The following SLC16A10 variants were observed in gnomAD, a reference collection of about 807,000 sequenced individuals.
The protein encoded by SLC16A10 is solute carrier family 16 member 10.
Under a neutral mutation model 40.0 loss-of-function variants are expected in SLC16A10, and 27 were observed. That is an observed-to-expected ratio of 0.67 (90% confidence interval 0.50 to 0.93). SLC16A10 has a LOEUF of 0.93. Among genes scored for constraint, SLC16A10 ranks in the 40% least tolerant of loss-of-function variants. The pLI, the probability that SLC16A10 is intolerant of heterozygous loss-of-function variation, is 0.00. For synonymous variants in SLC16A10, 213 were observed against 249.8 expected (o/e 0.85, Z 1.39); for missense variants, 529 against 658.2 (o/e 0.80, Z 2.15).
Position 111,222,449 on chromosome 6 carries a change from A to G in SLC16A10, c.*214A>G, listed in dbSNP as rs2114597837. On this transcript the variant is annotated 3_prime_UTR_variant, in exon 6 of 6. Transcript: ENST00000368851. Reference sequence around the variant, plus strand: ...AGTCTGAGGGCAGAGACTCTGGTATATGAAAACGTCTGAAAGTCACATATT... The same window carrying G: ...AGTCTGAGGGCAGAGACTCTGGTATGTGAAAACGTCTGAAAGTCACATATT... 2.4e-6 allele frequency: 1 copy of G among 418,218 alleles called. No homozygotes were observed. Among genetic ancestry groups the G allele is most frequent in the Non-Finnish European group, 3.6e-6 (1 of 274,466 alleles). The allele number at this position is 418,218 out of a possible 1,614,324, so 25.9% of individuals were successfully genotyped here. A position where few individuals can be genotyped will look rare whatever the true frequency, so the allele number is the denominator to read the frequency against.
chr6:111,111,989 T>C (rs1335921124), intron 1 of SLC16A10, among the ~76,000 whole-genome samples: 1 of 152,126 alleles, frequency 6.6e-6, no homozygotes, highest in African/African-American at 2.4e-5. Flanking sequence ...TATAGATGTG[T>C]GTGTGTGTAT....
chr6:111,171,743 G>A (rs937261965), intron 1 of SLC16A10, among the ~76,000 whole-genome samples: 1 of 150,122 alleles, frequency 6.7e-6, no homozygotes, highest in Non-Finnish European at 1.5e-5. Flanking sequence ...TTGAGCCTGG[G>A]CTGTCGAGAT....
chr6:111,187,664 A>G (rs1476950523), intron 3 of SLC16A10, among the ~76,000 whole-genome samples: 1 of 152,198 alleles, frequency 6.6e-6, no homozygotes, highest in African/African-American at 2.4e-5. Context: ...GTGTATGTAG[A>G]AACAAAATTA....
chr6:111,226,476 A>G lies in SLC16A10; in HGVS notation c.*4241A>G, dbSNP rs900990928. ...ATTTTATAATATGTAAACAATTTAA[A>G]CAAGTATTTAAAACTTTTTAGGAAG... is the stretch of plus-strand genomic sequence containing the variant. On this transcript the variant is annotated 3_prime_UTR_variant, in exon 6 of 6. Coordinates refer to ENST00000368851, the MANE Select transcript of SLC16A10 (RefSeq NM_018593.5). The G allele has an allele frequency of 4.1e-4, 62 of 152,326 alleles. No individual in the cohort carries two copies. The highest frequency in any genetic ancestry group is 1.4e-3 in the African/African-American group (59 of 41,580). 9.4% of individuals were successfully genotyped at this position (152,326 alleles called of 1,614,324 possible).
At chr6:111,170,519 G>A (rs1027953062) in intron 1 of SLC16A10, among the ~76,000 whole-genome samples, 4 of 152,112 alleles carry the variant, frequency 2.6e-5, no homozygotes, top group Admixed American at 6.5e-5. Context: ...GCGCGATCTC[G>A]GCTCACTGCA....
At chr6:111,214,673 T>C (rs1405371319) in intron 4 of SLC16A10, among the ~76,000 whole-genome samples, 1 of 152,194 alleles carries the variant, frequency 6.6e-6, no homozygotes, top group Admixed American at 6.5e-5. Context: ...AGAATAGATG[T>C]GTAAATTTCT....
At chr6:111,147,948 C>T (rs1415907989) in intron 1 of SLC16A10, among the ~76,000 whole-genome samples, 4 of 152,176 alleles carry the variant, frequency 2.6e-5, no homozygotes, top group Non-Finnish European at 5.9e-5. Flanking sequence ...AGGAGTGTTG[C>T]TGATCACATC....
At chr6:111,219,837 TGAGA>T (rs1260310102) in intron 5 of SLC16A10, among the ~76,000 whole-genome samples, 1 of 152,148 alleles carries the variant, frequency 6.6e-6, no homozygotes, top group Non-Finnish European at 1.5e-5. Flanking sequence ...CCCAGCACTT[TGAGA>T]GGCCAAGGCA....
chr6:111,149,632 C>T (rs1450176952), intron 1 of SLC16A10, among the ~76,000 whole-genome samples: 1 of 152,106 alleles, frequency 6.6e-6, no homozygotes, highest in Non-Finnish European at 1.5e-5. Context: ...GCCCTATTCC[C>T]CTCTCATACT....
chr6:111,109,589 G>C (rs945949993), intron 1 of SLC16A10, among the ~76,000 whole-genome samples: 4 of 151,838 alleles, frequency 2.6e-5, no homozygotes, highest in Non-Finnish European at 4.4e-5. Context: ...TGAGTAACTG[G>C]GACCACAGGT....
chr6:111,174,901 TTCTG>T (rs1010687995), intron 2 of SLC16A10, among the ~76,000 whole-genome samples: 2 of 152,222 alleles, frequency 1.3e-5, no homozygotes, highest in Admixed American at 1.3e-4. Context: ...TGTGACCCAG[TTCTG>T]TCTCTCTTTC....
intron 3 of SLC16A10, among the ~76,000 whole-genome samples, chr6:111,194,485 G>A (rs968934918): frequency 6.6e-6 from 1 of 152,178 alleles, no homozygotes; most frequent in Non-Finnish European, 1.5e-5. Flanking sequence ...AATGCCCAGT[G>A]CTTTGTGCCT....
At chr6:111,220,568 C>A (rs1187348222) in intron 5 of SLC16A10, among the ~76,000 whole-genome samples, 1 of 152,190 alleles carries the variant, frequency 6.6e-6, no homozygotes, top group Non-Finnish European at 1.5e-5. Flanking sequence ...ATCAAGCAAG[C>A]AGAGTTACTA....
rs1253712807 is a variant in SLC16A10, at chr6:111,226,778, A to G, written c.*4543A>G. Reference sequence around the variant, plus strand: ...AACAAAACGCAATTTGTCATTCATAATGGTAATGTGGAATAAGAATACATC... The same window carrying G: ...AACAAAACGCAATTTGTCATTCATAGTGGTAATGTGGAATAAGAATACATC... On this transcript the variant is annotated 3_prime_UTR_variant, in exon 6 of 6. Transcript: ENST00000368851. 6.6e-6 allele frequency: 1 copy of G among 152,250 alleles called. No homozygotes were observed. The highest frequency in any genetic ancestry group is 2.4e-5 in the African/African-American group (1 of 41,474). 9.4% of individuals were successfully genotyped at this position (152,250 alleles called of 1,614,324 possible).
chr6:111,196,296 C>A (rs1773079064), intron 3 of SLC16A10, among the ~76,000 whole-genome samples: 1 of 152,136 alleles, frequency 6.6e-6, no homozygotes, highest in African/African-American at 2.4e-5. Flanking sequence ...CAAGATCCCA[C>A]CACTGCACTG....
At chr6:111,150,133 T>C (rs1216561315) in intron 1 of SLC16A10, among the ~76,000 whole-genome samples, 1 of 152,238 alleles carries the variant, frequency 6.6e-6, no homozygotes, top group African/African-American at 2.4e-5. Context: ...GAATAGGCTA[T>C]GAGGGCTCTG....
chr6:111,194,160 A>G (rs1773041212), intron 3 of SLC16A10, among the ~76,000 whole-genome samples: 1 of 152,192 alleles, frequency 6.6e-6, no homozygotes, highest in South Asian at 2.1e-4. Context: ...CTGGTAGAGT[A>G]CAAGGTCTAC....
At chr6:111,168,848 T>C (rs1268970175) in intron 1 of SLC16A10, among the ~76,000 whole-genome samples, 1 of 152,142 alleles carries the variant, frequency 6.6e-6, no homozygotes, top group African/African-American at 2.4e-5. Flanking sequence ...AGAAGGATAC[T>C]ATGGGTCAGG....
chr6:111,153,726 T>C (rs1479360758), intron 1 of SLC16A10, among the ~76,000 whole-genome samples: 1 of 152,206 alleles, frequency 6.6e-6, no homozygotes, highest in Non-Finnish European at 1.5e-5. Context: ...CTGAGGTTGC[T>C]TCAAAGATTG....
Sources: allele counts gnomAD v4.1 joint callset (sites outside exome capture counted in the v4.1 genomes callset), GRCh38; gene constraint gnomAD v4.1.1; transcripts MANE v1.5; gene names NCBI Gene and HGNC (gene_info 2026-07-23, HGNC 2026-07-21).